Variants in ATG5 observed in about 807,000 individuals in gnomAD.
The protein encoded by ATG5 is autophagy protein 5.
Under a neutral mutation model 36.5 loss-of-function variants are expected in ATG5, and 14 were observed. The ratio of observed to expected loss-of-function variants is 0.38; its 90% CI spans 0.25 to 0.60. ATG5 has a LOEUF of 0.60. Ranked by LOEUF, ATG5 falls within the 20% of genes least tolerant of loss-of-function variation. ATG5 has a pLI of 0.60. For synonymous variants in ATG5, 95 were observed against 101.5 expected, an observed-to-expected ratio of 0.94 and a Z score of 0.38; for missense variants, 195 against 326.7, an observed-to-expected ratio of 0.60 and a Z score of 3.11.
chr6:106,186,765 T>C, intron 7 of ATG5, 89 bp from the exon 8 acceptor site: 1 of 1,421,650 alleles, frequency 7.0e-7, no homozygotes, highest in Non-Finnish European at 9.6e-7. Context: ...CTTAGTGCAT[T>C]AAATGGATTT....
At chr6:106,324,611 GAAAT>G (rs1271525227) in intron 1 of ATG5, among the ~76,000 whole-genome samples, 1 of 152,172 alleles carries the variant, frequency 6.6e-6, no homozygotes, top group East Asian at 1.9e-4. Context: ...GGAAATTAAT[GAAAT>G]AAATACACAC....
At chr6:106,202,693 G>T (rs781002469) in intron 6 of ATG5, among the ~76,000 whole-genome samples, 1 of 152,038 alleles carries the variant, frequency 6.6e-6, no homozygotes, top group African/African-American at 2.4e-5. Context: ...ACAGAGTCTC[G>T]CTCTGCCACC....
chr6:106,314,481 C>A (rs2114677059), intron 2 of ATG5, among the ~76,000 whole-genome samples: 1 of 152,244 alleles, frequency 6.6e-6, no homozygotes, highest in East Asian at 1.9e-4. Flanking sequence ...CATTTGAACC[C>A]AGGAGAGGGA....
chr6:106,238,226 A>G (rs372290051), intron 6 of ATG5, among the ~76,000 whole-genome samples: 6 of 152,280 alleles, frequency 3.9e-5, no homozygotes, highest in Admixed American at 6.5e-5. Flanking sequence ...GCTGGAGTAC[A>G]GTGGCATGAT....
At chr6:106,261,765 G>A (rs1779028303) in intron 5 of ATG5, among the ~76,000 whole-genome samples, 1 of 152,220 alleles carries the variant, frequency 6.6e-6, no homozygotes, top group African/African-American at 2.4e-5. Flanking sequence ...TTTGGAGGTA[G>A]TATTGACAGA....
intron 5 of ATG5, among the ~76,000 whole-genome samples, chr6:106,258,956 T>C (rs1778908341): frequency 6.6e-6 from 1 of 152,222 alleles, no homozygotes; most frequent in African/African-American, 2.4e-5. Context: ...ACATGTTCAT[T>C]AAGCCATAAT....
intron 5 of ATG5, among the ~76,000 whole-genome samples, chr6:106,263,859 A>G (rs1779123387): frequency 6.6e-6 from 1 of 150,550 alleles, no homozygotes; most frequent in Non-Finnish European, 1.5e-5. Context: ...GATCAAAGGT[A>G]GATAAATCCA....
chr6:106,223,290 G>A (rs1562220619), intron 6 of ATG5, among the ~76,000 whole-genome samples: 1 of 152,096 alleles, frequency 6.6e-6, no homozygotes, highest in South Asian at 2.1e-4. Flanking sequence ...ATATCTGCTG[G>A]AAAAAGCAAC....
intron 5 of ATG5, among the ~76,000 whole-genome samples, chr6:106,271,053 C>T (rs1379208726): frequency 2.0e-5 from 3 of 152,174 alleles, no homozygotes; most frequent in Admixed American, 6.5e-5. Flanking sequence ...TTGAACAGCT[C>T]TTATATCATA....
In ATG5 at chr6:106,293,024, A is replaced by G. The variant is rs1293656058; in HGVS notation, c.315+4T>C. 1.9e-6 allele frequency: 3 copies of G among 1,609,694 alleles called. No homozygotes were observed. The highest frequency in any genetic ancestry group is 2.2e-5 in the East Asian group (1 of 44,798). On this transcript the variant is annotated splice_donor_region_variant and intron_variant, in intron 4 of 7. Transcript: ENST00000369076. ...GGACGAAGGAGAAATGCAATTTACT[A>G]TACCTTAAAATGTACTGTGATGTTC...
intron 7 of ATG5, among the ~76,000 whole-genome samples, chr6:106,195,699 A>G (rs1212622964): frequency 6.6e-6 from 1 of 151,764 alleles, no homozygotes; most frequent in Admixed American, 6.6e-5. Flanking sequence ...GACAGTTTGC[A>G]TGGGGAGAAG....
chr6:106,286,160 C>T (rs947912489), intron 4 of ATG5, among the ~76,000 whole-genome samples: 3 of 152,158 alleles, frequency 2.0e-5, no homozygotes, highest in African/African-American at 7.2e-5. Flanking sequence ...TACACTTTGG[C>T]TCCTCCTTCT....
chr6:106,227,786 G>T (rs1777504364), intron 6 of ATG5, among the ~76,000 whole-genome samples: 1 of 152,160 alleles, frequency 6.6e-6, no homozygotes, highest in African/African-American at 2.4e-5. Flanking sequence ...GCACTGTTCT[G>T]GTTATTGTCA....
chr6:106,208,140 C>T (rs547999706), intron 6 of ATG5, among the ~76,000 whole-genome samples: 1 of 152,176 alleles, frequency 6.6e-6, no homozygotes, highest in East Asian at 1.9e-4. Context: ...TATTATGGAA[C>T]CATGGACACA....
At position 106,291,543 on chromosome 6, in the gene ATG5, A is replaced by G. The variant is rs751193053; in HGVS notation, c.315+1485T>C. 5.3e-5 allele frequency among the ~76,000 whole-genome samples: 8 copies of G among 152,200 alleles called. No homozygotes were observed. The South Asian group carries it at 1.4e-3, about 28-fold the overall frequency. On this transcript the variant is annotated intron_variant, in intron 4 of 7. Coordinates refer to ENST00000369076, the MANE Select transcript of ATG5 (RefSeq NM_004849.4). ...GAACCCGACACACAGAAGGATCTCC[A>G]TATTTGTTGAATGAATGAATGAGTG...
In ATG5 at chr6:106,185,092, G is replaced by C. The variant is rs199868575; in HGVS notation, c.*1448C>G. 4.8e-4 allele frequency: 73 copies of C among 152,326 alleles called. No homozygotes were observed. The highest frequency in any genetic ancestry group is 1.7e-3 in the African/African-American group (71 of 41,422). 9.4% of individuals were successfully genotyped at this position (152,326 alleles called of 1,614,324 possible). A position where few individuals can be genotyped will look rare whatever the true frequency, so the allele number is the denominator to read the frequency against. On this transcript the variant is annotated 3_prime_UTR_variant, in exon 8 of 8. Coordinates refer to ENST00000369076, the MANE Select transcript of ATG5 (RefSeq NM_004849.4). The stretch of plus-strand genomic sequence containing the variant: ...GTATGCTGTACTGGCTATTCTTTTT[G>C]ATTAAGCTTTACAATTTCCATTCCA...
chr6:106,248,297 T>C (rs765747213), intron 5 of ATG5, 53 bp from the exon 6 acceptor site: 32 of 1,314,106 alleles, frequency 2.4e-5, no homozygotes, highest in African/African-American at 4.4e-5. Context: ...TATAATGGAA[T>C]ACCTCACATG....
At chr6:106,282,998 C>T (rs1779940080) in intron 4 of ATG5, among the ~76,000 whole-genome samples, 1 of 151,966 alleles carries the variant, frequency 6.6e-6, no homozygotes, top group South Asian at 2.1e-4. Flanking sequence ...CCTATGTCGC[C>T]CAGGCTGGTC....
chr6:106,223,386 C>T (rs1263448986), intron 6 of ATG5, among the ~76,000 whole-genome samples: 6 of 152,082 alleles, frequency 3.9e-5, no homozygotes, highest in African/African-American at 1.4e-4. Context: ...GCCAAATAAG[C>T]TTATAATTAA....
Sources: allele counts gnomAD v4.1 joint callset (sites outside exome capture counted in the v4.1 genomes callset), GRCh38; gene constraint gnomAD v4.1.1; transcripts MANE v1.5; gene names NCBI Gene and HGNC (gene_info 2026-07-23, HGNC 2026-07-21).